The following ABL1 variants were observed in gnomAD, a reference collection of about 807,000 sequenced individuals.
ABL1 encodes tyrosine-protein kinase ABL1.
In ABL1, 11 loss-of-function variants were observed where a neutral mutation model predicts 94.7. The ratio of observed to expected loss-of-function variants is 0.12; its 90% confidence interval spans 0.07 to 0.19. ABL1 has a LOEUF of 0.19. ABL1 is among the 10% of genes least tolerant of loss of function. The pLI is 1.00. For synonymous variants in ABL1, 656 were observed against 622.4 expected (o/e 1.05, Z -0.80); for missense variants, 1,082 against 1,489.4 (o/e 0.73, Z 4.50).
At chr9:130,882,504 T>C (rs72765079) in intron 10 of ABL1, among the ~76,000 whole-genome samples, 4,409 of 152,238 alleles carry the variant, frequency 0.029, 105 homozygotes, top group Middle Eastern at 0.088. Flanking sequence ...AGAATTCTGT[T>C]ACTCACTAGC....
intron 1 of ABL1, among the ~76,000 whole-genome samples, chr9:130,769,717 CCTT>C (rs1429347286): frequency 6.6e-6 from 1 of 151,990 alleles, no homozygotes; most frequent in Non-Finnish European, 1.5e-5. Context: ...ATAATATTCC[CCTT>C]CTTTATTATA....
Position 130,880,029 on chromosome 9 carries a change from G to C in ABL1, c.1424-39G>C, listed in dbSNP as rs376249156. 9.4e-6 allele frequency: 15 copies of C among 1,588,080 alleles called. No individual in the cohort carries two copies. Among genetic ancestry groups the C allele is most frequent in the Non-Finnish European group, 1.3e-5 (15 of 1,156,276 alleles). ...ACTGCTAGCCCCGTATTGCTAGCCA[G>C]ATCTCATGGATGATCTGACTTGGGT... On this transcript the variant is annotated intron_variant, in intron 8 of 10. Coordinates refer to ENST00000318560, the MANE Select transcript of ABL1 (RefSeq NM_005157.6). This position sits in a 1 kb window ranked among gnomAD's most constrained non-coding sequence, Gnocchi z 4.4.
At chr9:130,856,604 G>A (rs776673622) in intron 3 of ABL1, among the ~76,000 whole-genome samples, 36 of 152,144 alleles carry the variant, frequency 2.4e-4, no homozygotes, top group African/African-American at 6.3e-4. Flanking sequence ...AAAAGTAATC[G>A]TCTCCTAATT....
chr9:130,886,086 T>C lies in ABL1; in HGVS notation c.*403T>C, dbSNP rs757493083. On this transcript the variant is annotated 3_prime_UTR_variant, in exon 11 of 11. Transcript: ENST00000318560. The stretch of plus-strand genomic sequence containing the variant: ...CCCTCCTCCCCCGGCTGGGCCTCCT[T>C]CTTCCACTTCTCCAAGAATGGAAGC... 20 of 262,918 alleles carry C rather than the reference T, an allele frequency of 7.6e-5. No homozygotes were observed. Among genetic ancestry groups the C allele is most frequent in the East Asian group, 3.4e-4 (6 of 17,724 alleles). 16.3% of individuals were successfully genotyped at this position (262,918 alleles called of 1,614,324 possible). A position where few individuals can be genotyped will look rare whatever the true frequency, so the allele number is the denominator to read the frequency against.
At chr9:130,726,937 A>G (rs1203806691) in intron 1 of ABL1, among the ~76,000 whole-genome samples, 1 of 152,228 alleles carries the variant, frequency 6.6e-6, no homozygotes, top group Non-Finnish European at 1.5e-5. Context: ...TTCATGTGTT[A>G]TTATCAAAGT....
rs1230461533 is a variant in ABL1 at position 130,854,184 on chromosome 9, T to A, written c.200T>A (p.Val67Asp). ...GPSENDPNLF[V>D]ALYDFVASGD... ...AGTGAAAATGACCCCAACCTTTTCG[T>A]TGCACTGTATGATTTTGTGGCCAGT... The change falls in exon 2 of 11, where the codon GTT becomes GAT. Residue 67 changes from valine to aspartate, a missense_variant. Coordinates refer to ENST00000318560, the MANE Select transcript of ABL1 (RefSeq NM_005157.6). 6.2e-7 allele frequency: 1 copy of A among 1,614,172 alleles called. No individual in the cohort carries two copies. The highest frequency in any genetic ancestry group is 8.5e-7 in the Non-Finnish European group (1 of 1,180,012).
intron 1 of ABL1, among the ~76,000 whole-genome samples, chr9:130,805,796 T>C (rs1332447382): frequency 2.0e-5 from 3 of 152,138 alleles, no homozygotes; most frequent in African/African-American, 7.2e-5. Flanking sequence ...CCAGCTCTTA[T>C]TAAGTAGGGG....
Position 130,826,804 on chromosome 9 carries a change from C to T in ABL1, c.137-27260C>T, listed in dbSNP as rs888513389. On this transcript the variant is annotated intron_variant, in intron 1 of 10. Coordinates refer to the ABL1 transcript ENST00000372348. ...TTATATTGAGAAATGCCCGGCCGGG[C>T]GCGGTGGCTCACGCCTGTAATCCCA... Among the ~76,000 whole-genome samples the T allele has an allele frequency of 2.3e-4, 35 of 152,142 alleles. 1 individual carries two copies. Among genetic ancestry groups the T allele is most frequent in the African/African-American group, 6.0e-4 (25 of 41,432 alleles).
exon 1 of ABL1, chr9:130,714,066 A>G: frequency 2.7e-6 from 1 of 373,776 alleles, no homozygotes; most frequent in East Asian, 4.0e-5. Context: ...AAATCAAGAA[A>G]CTTTTGGGTA....
chr9:130,861,987 A>C (rs1008843248), intron 3 of ABL1, among the ~76,000 whole-genome samples: 4 of 152,204 alleles, frequency 2.6e-5, no homozygotes, highest in African/African-American at 9.6e-5. Flanking sequence ...GTTTGACCCT[A>C]GGTCCTCACC....
At chr9:130,822,689 G>A (rs371377170) in intron 1 of ABL1, among the ~76,000 whole-genome samples, 1 of 151,776 alleles carries the variant, frequency 6.6e-6, no homozygotes, top group Non-Finnish European at 1.5e-5. Flanking sequence ...TTAGCCATTT[G>A]TATTTCATCT....
intron 1 of ABL1, among the ~76,000 whole-genome samples, chr9:130,755,409 G>C (rs936949335): frequency 6.6e-6 from 1 of 152,150 alleles, no homozygotes; most frequent in Non-Finnish European, 1.5e-5. Flanking sequence ...CAGAAGGTGA[G>C]GCTTTGCTTG....
intron 1 of ABL1, among the ~76,000 whole-genome samples, chr9:130,742,074 TC>T (rs1831827208): frequency 6.6e-6 from 1 of 152,062 alleles, no homozygotes; most frequent in Non-Finnish European, 1.5e-5. Context: ...ACAGACCTAG[TC>T]CTTTGTTGTG....
At chr9:130,751,056 G>A (rs1458350180) in intron 1 of ABL1, among the ~76,000 whole-genome samples, 2 of 144,778 alleles carry the variant, frequency 1.4e-5, no homozygotes, top group Admixed American at 1.4e-4. Flanking sequence ...GCAAGACAGT[G>A]TCATAATGTT....
chr9:130,740,941 A>G (rs1480186763), intron 1 of ABL1, among the ~76,000 whole-genome samples: 1 of 150,518 alleles, frequency 6.6e-6, no homozygotes, highest in Non-Finnish European at 1.5e-5. Flanking sequence ...GAGTCACTGC[A>G]GCTGGCCTTC....
intron 3 of ABL1, 129 bp downstream of exon 3, chr9:130,855,225 G>A: frequency 9.1e-7 from 1 of 1,094,520 alleles, no homozygotes; most frequent in Non-Finnish European, 1.3e-6. Flanking sequence ...TCAGGTGGGA[G>A]TCATTCCATT....
At chr9:130,766,532 T>G (rs1478462871) in intron 1 of ABL1, among the ~76,000 whole-genome samples, 1 of 152,116 alleles carries the variant, frequency 6.6e-6, no homozygotes, top group Non-Finnish European at 1.5e-5. Flanking sequence ...GGCCTTTTCT[T>G]TTGACTTAGT....
intron 1 of ABL1, among the ~76,000 whole-genome samples, chr9:130,819,970 C>T (rs1285205391): frequency 6.6e-6 from 1 of 151,384 alleles, no homozygotes; most frequent in Non-Finnish European, 1.5e-5. Context: ...TTGGTGGGCT[C>T]TCAGCTTCAG....
At chr9:130,853,505 C>T (rs1165199723) in intron 1 of ABL1, among the ~76,000 whole-genome samples, 7 of 152,070 alleles carry the variant, frequency 4.6e-5, no homozygotes, top group African/African-American at 1.4e-4. Context: ...ACCTCCACCT[C>T]CTGGGTTCAA....
Sources: allele counts gnomAD v4.1 joint callset (sites outside exome capture counted in the v4.1 genomes callset), GRCh38; gene constraint gnomAD v4.1.1; non-coding constraint Gnocchi (gnomAD v3.1); transcripts MANE v1.5; gene names NCBI Gene and HGNC (gene_info 2026-07-23, HGNC 2026-07-21).